Variants in FPGT observed in about 807,000 individuals in gnomAD.
FPGT encodes GDP-L-fucose diphosphorylase.
A neutral mutation model predicts 45.8 loss-of-function variants in FPGT; 41 were observed. That is an observed-to-expected ratio of 0.90 (90% CI 0.70 to 1.16). FPGT has a LOEUF of 1.16. FPGT is among the 50% of genes most tolerant of loss of function. The pLI, the probability that FPGT is intolerant of heterozygous loss-of-function variation, is 0.00. For synonymous variants in FPGT, 292 were observed against 247.2 expected, an observed-to-expected ratio of 1.18 and a Z score of -1.70; for missense variants, 755 against 689.1, an observed-to-expected ratio of 1.10 and a Z score of -1.07.
At chr1:74,200,497 CTTTTTTTTTTTTTTTTTTTTTT>C (rs202228945) in intron 2 of FPGT, among the ~76,000 whole-genome samples, 1 of 106,566 alleles carries the variant, frequency 9.4e-6, no homozygotes, top group African/African-American at 4.3e-5. Flanking sequence ...GTTATTATTT[CTTTTTTTTTTTTTTTTTTTTTT>C]TTTGAGAAGG....
chr1:74,198,285 G>A lies in FPGT; in HGVS notation c.7G>A (p.Ala3Thr). The change falls in exon 1 of 4, where the codon GCT becomes ACT. Residue 3 changes from alanine to threonine, a missense_variant. Physicochemically the swap from Ala to Thr is moderately conservative, Grantham distance 58 (BLOSUM62 0). Coordinates refer to ENST00000370898, the MANE Select transcript of FPGT (RefSeq NM_003838.5). ...TCTCAGGGAAGGTGGGGCTATGGCA[G>A]CTGCTAGGGACCCTCCGGAAGTATC... MAAARDPPEVSLR... is the reference protein window; with the variant it reads MATARDPPEVSLR... 1 of 1,614,008 alleles carries A rather than the reference G, an allele frequency of 6.2e-7. No homozygotes were observed. Among genetic ancestry groups the A allele is most frequent in the Non-Finnish European group, 8.5e-7 (1 of 1,179,924 alleles).
chr1:74,202,711 T>C (rs929314711), intron 3 of FPGT, among the ~76,000 whole-genome samples: 17 of 152,232 alleles, frequency 1.1e-4, no homozygotes, highest in African/African-American at 3.6e-4. Context: ...CTTTATAAAC[T>C]TCTTAATTTT....
In FPGT at chr1:74,204,341, T is replaced by G; in HGVS notation, c.344-50T>G. On this transcript the variant is annotated intron_variant, in intron 3 of 3. Coordinates refer to ENST00000370898, the MANE Select transcript of FPGT (RefSeq NM_003838.5). The stretch of plus-strand genomic sequence containing the variant: ...ATAAAACCCTGGGGTTTTGAAAATT[T>G]TATAAATAATACTGCATTTTTAAAT... 2.9e-6 allele frequency: 4 copies of G among 1,389,660 alleles called. No individual in the cohort carries two copies. The South Asian group carries it at 4.9e-5, about 17-fold the overall frequency. The allele number at this position is 1,389,660 out of a possible 1,614,324, so 86.1% of individuals were successfully genotyped here.
chr1:74,198,328 AGCGAAAATT>A lies in FPGT; in HGVS notation c.54_62del (p.Lys19_Arg21del). ...GAAGTATCGCTGCGAGAAGCCACCC[AGCGAAAATT>A]GCGGAGGTTTTCCGAGCTAAGAGGT... On this transcript the variant is annotated inframe_deletion, in exon 1 of 4. Coordinates refer to ENST00000370898, the MANE Select transcript of FPGT (RefSeq NM_003838.5). 1 of 1,614,186 alleles carries A rather than the reference AGCGAAAATT, an allele frequency of 6.2e-7. No homozygotes were observed. Among genetic ancestry groups the A allele is most frequent in the Non-Finnish European group, 8.5e-7 (1 of 1,180,034 alleles).
At position 74,204,899 on chromosome 1, in the gene FPGT, A is replaced by G; in HGVS notation, c.852A>G (p.Leu284=). 1.2e-6 allele frequency: 2 copies of G among 1,613,572 alleles called. No individual in the cohort carries two copies. The highest frequency in any genetic ancestry group is 1.7e-6 in the Non-Finnish European group (2 of 1,179,682). Residue 284 remains leucine (L), a synonymous_variant, in exon 4 of 4, where the codon TTA becomes TTG. Coordinates refer to ENST00000370898, the MANE Select transcript of FPGT (RefSeq NM_003838.5). ...FYMDHKSAKM[L]LAFYEKIGTL... is the part of the protein sequence containing the mutation. ...TGGATCATAAATCAGCAAAAATGTT[A>G]CTTGCTTTTTATGAAAAAATAGGCA... is the stretch of plus-strand genomic sequence containing the variant.
intron 2 of FPGT, among the ~76,000 whole-genome samples, chr1:74,200,299 T>C (rs984376094): frequency 6.6e-6 from 1 of 152,216 alleles, no homozygotes; most frequent in African/African-American, 2.4e-5. Flanking sequence ...AGGTCAACTT[T>C]GCCCTTTGAC....
chr1:74,204,542 C>T lies in FPGT; in HGVS notation c.495C>T (p.Thr165=). ...ATATGAATCCTGGAATTCTGGTTAC[C>T]TGTGCAGATGATATTGAACTTTATA... ...PLNMNPGILV[T]CADDIELYSI... Residue 165 remains threonine (T), a synonymous_variant, in exon 4 of 4, where the codon ACC becomes ACT. Coordinates refer to ENST00000370898, the MANE Select transcript of FPGT (RefSeq NM_003838.5). 1 of 1,608,276 alleles carries T rather than the reference C, an allele frequency of 6.2e-7. No homozygotes were observed. The highest frequency in any genetic ancestry group is 2.2e-5 in the East Asian group (1 of 44,830).
At position 74,206,047 on chromosome 1, in the gene FPGT, A is replaced by C; in HGVS notation, c.*215A>C. Reference sequence around the variant, plus strand: ...AGAGATACTATTTTGGATGTGTATCAGTATTTTTGTTTTTAATAATGATTG... The same window carrying C: ...AGAGATACTATTTTGGATGTGTATCCGTATTTTTGTTTTTAATAATGATTG... On this transcript the variant is annotated 3_prime_UTR_variant, in exon 4 of 4. Coordinates refer to ENST00000370898, the MANE Select transcript of FPGT (RefSeq NM_003838.5). 1 of 382,382 alleles carries C rather than the reference A, an allele frequency of 2.6e-6. No individual in the cohort carries two copies. 23.7% of individuals were successfully genotyped at this position (382,382 alleles called of 1,614,324 possible). A position where few individuals can be genotyped will look rare whatever the true frequency, so the allele number is the denominator to read the frequency against.
chr1:74,205,049 G>T lies in FPGT; in HGVS notation c.1002G>T (p.Arg334Ser). 6.2e-7 allele frequency: 1 copy of T among 1,612,710 alleles called. No homozygotes were observed. Among genetic ancestry groups the T allele is most frequent in the Non-Finnish European group, 8.5e-7 (1 of 1,178,904 alleles). ...IKEESELVEM[R>S]QRIFHLLKGT... is the part of the protein sequence containing the mutation. ...AAGAGTCAGAGTTGGTAGAAATGAG[G>T]CAGAGAATATTTCATCTTCTTAAAG... is the stretch of plus-strand genomic sequence containing the variant. The change falls in exon 4 of 4, where the codon AGG (arginine) becomes AGT (serine). Residue 334 changes from arginine (R) to serine (S), a missense_variant. Transcript: ENST00000370898.
In FPGT at chr1:74,205,639, GTTC is replaced by G. The variant is rs781436495; in HGVS notation, c.1598_1600del (p.Ser533del). The G allele has an allele frequency of 2.5e-6, 4 of 1,612,198 alleles. No homozygotes were observed. The highest frequency in any genetic ancestry group is 1.7e-4 in the Middle Eastern group (1 of 6,054). ...TGGACTGCACGCATTTTCCCAGTTTGTTCTTCTTTGAGTGACTCAGTTATAACA... is the reference window on the plus strand; with the variant it reads ...TGGACTGCACGCATTTTCCCAGTTTGTTCTTTGAGTGACTCAGTTATAACA... On this transcript the variant is annotated inframe_deletion, in exon 4 of 4. Coordinates refer to ENST00000370898, the MANE Select transcript of FPGT (RefSeq NM_003838.5).
chr1:74,201,268 T>A, intron 2 of FPGT, 50 bp from the exon 3 acceptor site: 1 of 1,490,256 alleles, frequency 6.7e-7, no homozygotes, highest in South Asian at 1.2e-5. Context: ...TGACAAAGTT[T>A]TAGTAGGTTT....
At chr1:74,199,046 A>G (rs539445523) in intron 1 of FPGT, among the ~76,000 whole-genome samples, 23 of 152,302 alleles carry the variant, frequency 1.5e-4, no homozygotes, top group African/African-American at 4.8e-4. Flanking sequence ...AGAGATTCCA[A>G]CTGTCTACTA....
At position 74,201,265 on chromosome 1, in the gene FPGT, G is replaced by A. The variant is rs934526862; in HGVS notation, c.251-53G>A. ...CACCTAAATTTACTGTCATGACAAA[G>A]TTTTAGTAGGTTTCTATTAAATAAA... On this transcript the variant is annotated intron_variant, in intron 2 of 3. Transcript: ENST00000370898. The A allele has an allele frequency of 2.7e-6, 4 of 1,474,378 alleles. No homozygotes were observed. In the African/African-American group the frequency reaches 4.2e-5, roughly 16 times the overall value. 91.3% of individuals were successfully genotyped at this position (1,474,378 alleles called of 1,614,324 possible).
intron 3 of FPGT, among the ~76,000 whole-genome samples, chr1:74,201,801 T>TA (rs1557671119): frequency 6.6e-6 from 1 of 152,250 alleles, no homozygotes; most frequent in Non-Finnish European, 1.5e-5. Context: ...GCAGGTTTGT[T>TA]ACATAGGTAA....
chr1:74,205,856 T>G lies in FPGT; in HGVS notation c.*24T>G. On this transcript the variant is annotated 3_prime_UTR_variant, in exon 4 of 4. Coordinates refer to ENST00000370898, the MANE Select transcript of FPGT (RefSeq NM_003838.5). ...AGAGATATTTTAAATATTGTACACT[T>G]TGCCTTTTTGAGTAACATTCCAGAG... 1 of 1,359,668 alleles carries G rather than the reference T, an allele frequency of 7.4e-7. No individual in the cohort carries two copies. The highest frequency in any genetic ancestry group is 1.0e-6 in the Non-Finnish European group (1 of 984,974). 84.2% of individuals were successfully genotyped at this position (1,359,668 alleles called of 1,614,324 possible). A position where few individuals can be genotyped will look rare whatever the true frequency, so the allele number is the denominator to read the frequency against.
Position 74,207,703 on chromosome 1 carries a change from G to C in FPGT, c.*1871G>C, listed in dbSNP as rs1032968385. Among the ~76,000 whole-genome samples, 3 of 151,920 alleles carry C rather than the reference G, an allele frequency of 2.0e-5. No homozygotes were observed. On this transcript the variant is annotated 3_prime_UTR_variant, in exon 4 of 4. Transcript: ENST00000370898. ...TGAAAATTAATTGTTTGGTAAACCA[G>C]AAGTGACCTGTCTGAAGCCCTCAAT...
rs12046751 is a variant in FPGT at position 74,204,488 on chromosome 1, A to G, written c.441A>G (p.Lys147=). 594,877 of 1,607,260 alleles carry G rather than the reference A, an allele frequency of 0.37. 115,205 individuals are homozygous for G. Among genetic ancestry groups the G allele is most frequent in the Non-Finnish European group, 0.41 (475,745 of 1,173,886 alleles). ...CCATTTATCAGATGCTAGAATTAAA[A>G]CTAGCCATGTACATTGATTTCCCCT... ...GNPIYQMLEL[K]LAMYIDFPLN... is the part of the protein sequence containing the mutation. Residue 147 remains lysine, a synonymous_variant, in exon 4 of 4, where the codon AAA becomes AAG. Coordinates refer to ENST00000370898, the MANE Select transcript of FPGT (RefSeq NM_003838.5).
At position 74,198,338 on chromosome 1, in the gene FPGT, G is replaced by A; in HGVS notation, c.60G>A (p.Leu20=). The change falls in exon 1 of 4, where the codon TTG becomes TTA. Residue 20 remains leucine, a synonymous_variant. Transcript: ENST00000370898. Reference sequence around the variant, plus strand: ...TGCGAGAAGCCACCCAGCGAAAATTGCGGAGGTTTTCCGAGCTAAGAGGTA... The same window carrying A: ...TGCGAGAAGCCACCCAGCGAAAATTACGGAGGTTTTCCGAGCTAAGAGGTA... ...VSLREATQRK[L]RRFSELRGKL... is the part of the protein sequence containing the mutation. 6.2e-7 allele frequency: 1 copy of A among 1,614,154 alleles called. No homozygotes were observed. Among genetic ancestry groups the A allele is most frequent in the Non-Finnish European group, 8.5e-7 (1 of 1,180,030 alleles).
At position 74,204,517 on chromosome 1, in the gene FPGT, A is replaced by G. The variant is rs756896988; in HGVS notation, c.470A>G (p.Asn157Ser). 9.3e-6 allele frequency: 15 copies of G among 1,609,246 alleles called. No individual in the cohort carries two copies. The highest frequency in any genetic ancestry group is 1.2e-5 in the Non-Finnish European group (14 of 1,175,590). The stretch of plus-strand genomic sequence containing the variant: ...GCCATGTACATTGATTTCCCCTTAA[A>G]TATGAATCCTGGAATTCTGGTTACC... ...KLAMYIDFPLNMNPGILVTCA... is the reference protein window; with the variant it reads ...KLAMYIDFPLSMNPGILVTCA... Residue 157 changes from asparagine to serine, a missense_variant, in exon 4 of 4, where the codon AAT becomes AGT. Asn to Ser is a conservative substitution (Grantham distance 46). Transcript: ENST00000370898.
Sources: allele counts gnomAD v4.1 joint callset (sites outside exome capture counted in the v4.1 genomes callset), GRCh38; gene constraint gnomAD v4.1.1; transcripts MANE v1.5; gene names NCBI Gene and HGNC (gene_info 2026-07-23, HGNC 2026-07-21).